COPS5: variants seen among roughly 807,000 people sequenced by gnomAD.
The protein encoded by COPS5 is COP9 signalosome subunit 5.
In COPS5, 8 loss-of-function variants were observed where a neutral mutation model predicts 44.4. The ratio of observed to expected loss-of-function variants is 0.18; its 90% confidence interval spans 0.11 to 0.32. COPS5 has a LOEUF of 0.32. Ranked by LOEUF, COPS5 falls within the 10% of genes least tolerant of loss-of-function variation. The pLI is 1.00. For synonymous variants in COPS5, 122 were observed against 142.8 expected (o/e 0.85, Z 1.04); for missense variants, 159 against 406.4 (o/e 0.39, Z 5.23).
chr8:67,060,656 T>C, intron 1 of COPS5: 1 of 368,448 alleles, frequency 2.7e-6, no homozygotes, highest in South Asian at 2.4e-5. Flanking sequence ...TAAGTAGGTC[T>C]TATTTCCATA....
At chr8:67,059,736 T>A in intron 1 of COPS5, 1 of 318,174 alleles carries the variant, frequency 3.1e-6, no homozygotes, top group Admixed American at 4.5e-5. Flanking sequence ...TTTTCTCCAT[T>A]AATTTGGAAT....
At chr8:67,046,824 CAAAAAAA>C (rs771868140) in intron 6 of COPS5, among the ~76,000 whole-genome samples, 8 of 43,726 alleles carry the variant, frequency 1.8e-4, no homozygotes, top group African/African-American at 5.8e-4. Flanking sequence ...ACTCTGTCTC[CAAAAAAA>C]AAAAAAAAAA....
At chr8:67,061,604 G>C (rs1325981879) in intron 1 of COPS5, 1 of 512,966 alleles carries the variant, frequency 1.9e-6, no homozygotes, top group Admixed American at 3.2e-5. Flanking sequence ...CGGATGTTCA[G>C]AAGTGACAAC....
intron 6 of COPS5, 102 bp downstream of exon 6, chr8:67,051,128 C>A (rs1179515135): frequency 3.7e-6 from 3 of 804,558 alleles, no homozygotes; most frequent in Non-Finnish European, 6.3e-6. Flanking sequence ...GGTGTCTTGG[C>A]CAAGTCAGGT....
At chr8:67,056,278 G>A (rs933903856) in intron 5 of COPS5, among the ~76,000 whole-genome samples, 2 of 152,010 alleles carry the variant, frequency 1.3e-5, no homozygotes, top group African/African-American at 4.8e-5. Flanking sequence ...AAAATAAGGG[G>A]CTTGGACTGG....
intron 6 of COPS5, among the ~76,000 whole-genome samples, chr8:67,050,581 G>GTGTA (rs1157476339): frequency 1.3e-5 from 2 of 150,464 alleles, no homozygotes; most frequent in Non-Finnish European, 3.0e-5. Context: ...GTGTGTGTGT[G>GTGTA]TGTATCTTGA....
chr8:67,043,805 C>A (rs1816666750), intron 7 of COPS5: 1 of 152,124 alleles, frequency 6.6e-6, no homozygotes, highest in Non-Finnish European at 1.5e-5. Context: ...AAAGAAATGA[C>A]AAAACCCCAC....
At chr8:67,046,824 CAAAAAAAAAA>C (rs771868140) in intron 6 of COPS5, among the ~76,000 whole-genome samples, 1 of 43,726 alleles carries the variant, frequency 2.3e-5, no homozygotes, top group Non-Finnish European at 4.1e-5. Flanking sequence ...ACTCTGTCTC[CAAAAAAAAAA>C]AAAAAAAAAA....
chr8:67,045,453 C>CAA (rs199646280), intron 7 of COPS5: 10 of 150,090 alleles, frequency 6.7e-5, no homozygotes, highest in South Asian at 1.9e-4. Flanking sequence ...GATTCTGTCT[C>CAA]AAAAAAAAAA....
intron 3 of COPS5, 132 bp downstream of exon 3, chr8:67,057,951 G>T: frequency 2.2e-6 from 2 of 897,884 alleles, no homozygotes; most frequent in Non-Finnish European, 3.4e-6. Context: ...CTAAGAGATG[G>T]AATTCACATT....
At chr8:67,046,561 C>A (rs1816701607) in intron 6 of COPS5, among the ~76,000 whole-genome samples, 1 of 151,920 alleles carries the variant, frequency 6.6e-6, no homozygotes, top group African/African-American at 2.4e-5. Context: ...TGGCTCATGC[C>A]TGTAATCCCA....
intron 1 of COPS5, chr8:67,060,950 T>G (rs1477804950): frequency 6.1e-6 from 1 of 163,978 alleles, no homozygotes; most frequent in East Asian, 1.8e-4. Context: ...AAGGCTAGCC[T>G]TGTAAAAAAA....
chr8:67,044,548 TCTTC>T (rs1816676110), intron 7 of COPS5: 2 of 152,148 alleles, frequency 1.3e-5, no homozygotes, highest in East Asian at 3.8e-4. Flanking sequence ...TCAATATGTT[TCTTC>T]CTTCCTTTCT....
In COPS5 at chr8:67,043,305, G is replaced by C. The variant is rs764748063; in HGVS notation, c.933C>G (p.Thr311=). 2 of 1,596,218 alleles carry C rather than the reference G, an allele frequency of 1.3e-6. No individual in the cohort carries two copies. The highest frequency in any genetic ancestry group is 1.7e-6 in the Non-Finnish European group (2 of 1,168,674). ...AKATRDSCKT[T]IEAIHGLMSQ... ...ACATCAATCCATGGATAGCTTCTAT[G>C]GTAGTTTTACAGCTGGAAAAAAAAA... Residue 311 remains threonine, a synonymous_variant, in exon 8 of 8, where the codon ACC becomes ACG. Transcript: ENST00000357849.
At chr8:67,054,061 TTAGCAATGTAGGCCGC>T (rs1335195636) in intron 5 of COPS5, among the ~76,000 whole-genome samples, 2 of 151,880 alleles carry the variant, frequency 1.3e-5, no homozygotes, top group South Asian at 2.1e-4. Flanking sequence ...ATTCTAGTCT[TTAGCAATGTAGGCCGC>T]TAGCAAAGTA....
In COPS5 at chr8:67,054,000, C is replaced by T. The variant is rs568620936; in HGVS notation, c.659+2519G>A. ...CAGCCTGGGTGACAGAGCAAGACTCCATTTAAAAAAAAAAAAAAAAAAAGA... is the reference window on the plus strand; with the variant it reads ...CAGCCTGGGTGACAGAGCAAGACTCTATTTAAAAAAAAAAAAAAAAAAAGA... On this transcript the variant is annotated intron_variant, in intron 5 of 7. Transcript: ENST00000357849. Among the ~76,000 whole-genome samples, 12 of 144,086 alleles carry T rather than the reference C, an allele frequency of 8.3e-5. 1 individual carries two copies. The South Asian group carries it at 2.6e-3, about 32-fold the overall frequency. The allele number at this position is 144,086 out of a possible 152,430, so 94.5% of individuals were successfully genotyped here. A position where few individuals can be genotyped will look rare whatever the true frequency, so the allele number is the denominator to read the frequency against.
chr8:67,055,554 ATCAT>A (rs1804490107), intron 5 of COPS5, among the ~76,000 whole-genome samples: 5 of 152,226 alleles, frequency 3.3e-5, no homozygotes, highest in Admixed American at 2.0e-4. Context: ...TAATTCATAC[ATCAT>A]AAAATTCACC....
intron 4 of COPS5, among the ~76,000 whole-genome samples, chr8:67,056,999 C>T (rs1804523863): frequency 6.6e-6 from 1 of 151,996 alleles, no homozygotes; most frequent in Non-Finnish European, 1.5e-5. Context: ...CAGAATGCCA[C>T]AGGCACACAG....
intron 1 of COPS5, chr8:67,060,845 T>C (rs1490461278): frequency 4.3e-6 from 1 of 233,862 alleles, no homozygotes; most frequent in Non-Finnish European, 8.7e-6. Flanking sequence ...AGGATGGATA[T>C]ACTGTACTGG....
Sources: gnomAD v4.1 joint callset for allele counts (sites outside exome capture counted in the v4.1 genomes callset) on GRCh38, gnomAD v4.1.1 for gene constraint, MANE v1.5 for transcripts, NCBI Gene and HGNC (gene_info 2026-07-23, HGNC 2026-07-21) for gene names.